The following CSMD2 variants were observed in gnomAD, a reference collection of about 807,000 sequenced individuals.
CSMD2 encodes the protein CUB and Sushi multiple domains 2, also known as CUB and sushi domain-containing protein 2.
A neutral mutation model predicts 398.5 loss-of-function variants in CSMD2; 130 were observed. The ratio of observed to expected loss-of-function variants is 0.33; its 90% CI spans 0.28 to 0.38. CSMD2 has a LOEUF of 0.38. Among genes scored for constraint, CSMD2 ranks in the 10% least tolerant of loss-of-function variants. The probability of loss-of-function intolerance (pLI) is 1.00; values close to 1 mark genes in which losing one functional copy is unlikely to be tolerated. For synonymous variants in CSMD2, 1,828 were observed against 1,908.5 expected (o/e 0.96, Z 1.10); for missense variants, 3,829 against 4,764.9 (o/e 0.80, Z 5.78).
intron 1 of CSMD2, among the ~76,000 whole-genome samples, chr1:34,091,141 G>T (rs1235576036): frequency 6.6e-6 from 1 of 152,140 alleles, no homozygotes; most frequent in Non-Finnish European, 1.5e-5. Flanking sequence ...AAATCTCCAT[G>T]CTTCCAAGTG....
At position 34,118,662 on chromosome 1, in the gene CSMD2, T is replaced by C. The variant is rs139425936; in HGVS notation, c.188-29469A>G. ...TTGTTTTTTATCTTTCTCCTCATCTTGTCTTTCATTTACAATGGCATCAAA... is the reference window on the plus strand; with the variant it reads ...TTGTTTTTTATCTTTCTCCTCATCTCGTCTTTCATTTACAATGGCATCAAA... On this transcript the variant is annotated intron_variant, in intron 1 of 70. Transcript: ENST00000373381. Among the ~76,000 whole-genome samples the C allele has an allele frequency of 7.7e-3, 1,172 of 152,352 alleles. 24 individuals are homozygous for C. Among genetic ancestry groups the C allele is most frequent in the African/African-American group, 0.027 (1,113 of 41,574 alleles).
intron 13 of CSMD2, among the ~76,000 whole-genome samples, chr1:33,760,539 A>T (rs909023613): frequency 3.9e-5 from 6 of 152,218 alleles, no homozygotes; most frequent in Non-Finnish European, 8.8e-5. Context: ...CCTTCTAAAA[A>T]TTGGGGGTTT....
intron 4 of CSMD2, among the ~76,000 whole-genome samples, chr1:33,932,712 G>T (rs930282006): frequency 4.6e-5 from 7 of 152,070 alleles, no homozygotes; most frequent in Admixed American, 1.3e-4. Context: ...TGGCTGGTGG[G>T]GTAACAAAAA....
rs1464390823 is a variant in CSMD2 at position 33,624,371 on chromosome 1, G to T, written c.5625+148C>A. On this transcript the variant is annotated intron_variant, in intron 35 of 70. Transcript: ENST00000373381. The surrounding 1 kb of genome is among the most constrained non-coding windows in gnomAD (Gnocchi z 4.7). ...ACACTTGGACTGAGCCTCCTTAGCC[G>T]CAGGGGCAGGTACAGGGCTGATATG... 4.0e-5 allele frequency: 38 copies of T among 951,482 alleles called. No individual in the cohort carries two copies. Among genetic ancestry groups the T allele is most frequent in the Non-Finnish European group, 5.7e-5 (37 of 654,444 alleles). 58.9% of individuals were successfully genotyped at this position (951,482 alleles called of 1,614,324 possible). A position where few individuals can be genotyped will look rare whatever the true frequency, so the allele number is the denominator to read the frequency against.
At chr1:33,691,740 C>A (rs1054390897) in intron 25 of CSMD2, among the ~76,000 whole-genome samples, 12 of 152,172 alleles carry the variant, frequency 7.9e-5, no homozygotes, top group African/African-American at 2.2e-4. Flanking sequence ...TGCTCAAGAA[C>A]CTTCCATGGC....
rs750691282 is a variant in CSMD2, at chr1:33,698,962, G to A, written c.3734-18C>T. On this transcript the variant is annotated intron_variant, in intron 23 of 70. Transcript: ENST00000373381. ...TTCAAAGCCTGGTGAGGAGAGAAGAGGTAGAGTGAGTAAGACCTATTGTGG... is the reference window on the plus strand; with the variant it reads ...TTCAAAGCCTGGTGAGGAGAGAAGAAGTAGAGTGAGTAAGACCTATTGTGG... 2 of 1,605,962 alleles carry A rather than the reference G, an allele frequency of 1.2e-6. No individual in the cohort carries two copies. Among genetic ancestry groups the A allele is most frequent in the East Asian group, 2.2e-5 (1 of 44,766 alleles).
Position 33,515,782 on chromosome 1 carries a change from CTCTTT to C in CSMD2, c.*837_*841del, listed in dbSNP as rs1653712750. On this transcript the variant is annotated 3_prime_UTR_variant, in exon 71 of 71. Coordinates refer to ENST00000373381, the MANE Select transcript of CSMD2 (RefSeq NM_001281956.2). ...CTGGGCCACAGACTTGTCTTCTCTT[CTCTTT>C]GTCAGTTGACAGCCAGACTTGACCT... The C allele has an allele frequency of 6.6e-6, 1 of 152,236 alleles. No homozygotes were observed. Among genetic ancestry groups the C allele is most frequent in the African/African-American group, 2.4e-5 (1 of 41,426 alleles). 9.4% of individuals were successfully genotyped at this position (152,236 alleles called of 1,614,324 possible).
chr1:33,546,485 T>G (rs1054146230), intron 56 of CSMD2, among the ~76,000 whole-genome samples: 3 of 152,216 alleles, frequency 2.0e-5, no homozygotes, highest in African/African-American at 7.2e-5. Context: ...CGTGCCAGTC[T>G]GGAATTTCAG....
intron 25 of CSMD2, among the ~76,000 whole-genome samples, chr1:33,671,695 G>A (rs913384992): frequency 6.6e-6 from 1 of 152,044 alleles, no homozygotes; most frequent in African/African-American, 2.4e-5. Context: ...GTGCTTTGCT[G>A]AGGCTAGTGT....
chr1:33,874,361 C>A (rs994749214), intron 5 of CSMD2, among the ~76,000 whole-genome samples: 1 of 152,212 alleles, frequency 6.6e-6, no homozygotes, highest in Non-Finnish European at 1.5e-5. Flanking sequence ...ACTTTAAACA[C>A]CCCATTTTAC....
chr1:33,558,187 C>T (rs1420290591), intron 54 of CSMD2, among the ~76,000 whole-genome samples: 4 of 152,174 alleles, frequency 2.6e-5, no homozygotes, highest in Non-Finnish European at 5.9e-5. Context: ...CTATTGCTGA[C>T]TTTACCAGCC....
chr1:33,611,587 T>C (rs1342253304), intron 40 of CSMD2, among the ~76,000 whole-genome samples: 1 of 152,240 alleles, frequency 6.6e-6, no homozygotes, highest in African/African-American at 2.4e-5. Flanking sequence ...TAAAGATAGT[T>C]TTGCTAGAAT....
chr1:33,853,627 G>C (rs1638866951), intron 5 of CSMD2, among the ~76,000 whole-genome samples: 1 of 151,714 alleles, frequency 6.6e-6, no homozygotes, highest in Non-Finnish European at 1.5e-5. Flanking sequence ...GCTGATAGGA[G>C]CAGAAGTGCA....
At chr1:33,727,351 T>C (rs932756469) in intron 15 of CSMD2, among the ~76,000 whole-genome samples, 1 of 152,178 alleles carries the variant, frequency 6.6e-6, no homozygotes, top group Non-Finnish European at 1.5e-5. Context: ...GCAAAGTCTG[T>C]TATTTATGCC....
chr1:33,533,199 G>A lies in CSMD2; in HGVS notation c.10022C>T (p.Thr3341Met), dbSNP rs189523744. ...ATCCAGGGCCCCGACGTTGGCATGC[G>A]TTGGCGTCTCTGGCTGCCTGCAGTG... ...PHHCRQPETPTHANVGALDLP... is the reference protein window; with the variant it reads ...PHHCRQPETPMHANVGALDLP... Residue 3341 changes from threonine (T) to methionine (M), a missense_variant, in exon 64 of 71, where the codon ACG (threonine) becomes ATG (methionine). Physicochemically the swap from Thr to Met is moderately conservative, Grantham distance 81 (BLOSUM62 -1). This residue lies in a region of CSMD2 where 917 missense variants were observed against 1,199.5 expected (regional missense o/e 0.76). Coordinates refer to ENST00000373381, the MANE Select transcript of CSMD2 (RefSeq NM_001281956.2). This position sits in a 1 kb window ranked among gnomAD's most constrained non-coding sequence, Gnocchi z 4.2. The A allele has an allele frequency of 1.0e-4, 161 of 1,614,008 alleles. No individual in the cohort carries two copies. Among genetic ancestry groups the A allele is most frequent in the African/African-American group, 7.3e-4 (55 of 75,064 alleles).
chr1:33,605,767 C>T lies in CSMD2; in HGVS notation c.6344-297G>A. On this transcript the variant is annotated intron_variant, in intron 41 of 70. Transcript: ENST00000373381. Reference sequence around the variant, plus strand: ...AGTAATTCCGTAGGAAAAGGAGGCTCAAGGAAGACATTGCTCAATTGAACC... The same window carrying T: ...AGTAATTCCGTAGGAAAAGGAGGCTTAAGGAAGACATTGCTCAATTGAACC... 3.0e-6 allele frequency: 3 copies of T among 1,014,402 alleles called. 1 individual carries two copies. In the South Asian group the frequency reaches 4.4e-5, roughly 15 times the overall value. The allele number at this position is 1,014,402 out of a possible 1,614,324, so 62.8% of individuals were successfully genotyped here.
At chr1:33,604,747 G>A (rs1416928380) in intron 42 of CSMD2, among the ~76,000 whole-genome samples, 1 of 152,220 alleles carries the variant, frequency 6.6e-6, no homozygotes, top group Admixed American at 6.5e-5. Flanking sequence ...GGGTAAGGAA[G>A]AAGACCCAAG....
At chr1:33,941,214 C>T (rs1644661198) in intron 3 of CSMD2, among the ~76,000 whole-genome samples, 1 of 152,208 alleles carries the variant, frequency 6.6e-6, no homozygotes, top group Non-Finnish European at 1.5e-5. Flanking sequence ...CGACTCTTGC[C>T]AATCAACGTA....
chr1:33,899,126 G>T (rs1424728543), intron 5 of CSMD2, among the ~76,000 whole-genome samples: 1 of 152,220 alleles, frequency 6.6e-6, no homozygotes, highest in Middle Eastern at 3.2e-3. Context: ...CCATTTATCT[G>T]CATTGACAGG....
Sources: gnomAD v4.1 joint callset for allele counts (sites outside exome capture counted in the v4.1 genomes callset) on GRCh38, gnomAD v4.1.1 for gene constraint, gnomAD v4.1.1 regional missense constraint, Gnocchi (gnomAD v3.1) non-coding constraint, MANE v1.5 for transcripts, NCBI Gene and HGNC (gene_info 2026-07-23, HGNC 2026-07-21) for gene names.